ANKRD42: variants seen among roughly 807,000 people sequenced by gnomAD.
The protein encoded by ANKRD42 is ankyrin repeat domain-containing protein 42.
In ANKRD42, 43 loss-of-function variants were observed where a neutral mutation model predicts 51.5. The observed-to-expected ratio is 0.83, with a 90% CI of 0.65 to 1.08. ANKRD42 has a LOEUF of 1.08. ANKRD42 is among the 50% of genes least tolerant of loss of function. The pLI is 0.00. For missense variants in ANKRD42, 608 were observed against 629.3 expected (o/e 0.97, Z 0.36); for synonymous variants, 203 against 213.0 (o/e 0.95, Z 0.41).
rs1490504854 is a variant in ANKRD42 at position 83,213,370 on chromosome 11, C to T, written c.586+1940C>T. ...GCTGTCCATCGGAGTCACACCAACC[C>T]CAACGCCAGGCTGCGCAGTGAAGAA... On this transcript the variant is annotated intron_variant, in intron 5 of 10. Transcript: ENST00000533342. The T allele has an allele frequency of 1.9e-6, 3 of 1,577,162 alleles. No individual in the cohort carries two copies. In the East Asian group the frequency reaches 6.8e-5, roughly 36 times the overall value.
chr11:83,251,737 G>A (rs888318408), downstream of ANKRD42, among the ~76,000 whole-genome samples: 4 of 152,018 alleles, frequency 2.6e-5, no homozygotes, highest in African/African-American at 7.2e-5. Flanking sequence ...ATTAATTTTA[G>A]GGTTAATTTA....
Position 83,233,204 on chromosome 11 carries a change from G to A in ANKRD42, c.914-3200G>A, listed in dbSNP as rs573324933. ...GATAGAATTCAGCAATGAAGCCATC[G>A]GGTCTGGGGTTTTTTTTTTTTTTTT... On this transcript the variant is annotated intron_variant, in intron 7 of 10. Coordinates refer to ENST00000533342, the MANE Select transcript of ANKRD42 (RefSeq NM_001300975.2). Among the ~76,000 whole-genome samples the A allele has an allele frequency of 1.1e-4, 16 of 150,578 alleles. No individual in the cohort carries two copies. In the East Asian group the frequency reaches 2.5e-3, roughly 24 times the overall value.
chr11:83,257,162 ACT>A (rs1246269004), downstream of ANKRD42: 7 of 347,192 alleles, frequency 2.0e-5, no homozygotes, highest in Non-Finnish European at 3.4e-5. Context: ...AATCAAATGC[ACT>A]CTTGTCAGGG....
At chr11:83,231,335 A>C (rs959396433) in intron 7 of ANKRD42, among the ~76,000 whole-genome samples, 1 of 152,136 alleles carries the variant, frequency 6.6e-6, no homozygotes, top group African/African-American at 2.4e-5. Context: ...CTTTTCATAT[A>C]TCTGTTTGCC....
intron 2 of ANKRD42, among the ~76,000 whole-genome samples, chr11:83,204,314 T>G (rs1411882724): frequency 6.6e-6 from 1 of 152,224 alleles, no homozygotes; most frequent in African/African-American, 2.4e-5. Flanking sequence ...TAAATGATGT[T>G]GGCACAATTA....
intron 8 of ANKRD42, among the ~76,000 whole-genome samples, chr11:83,238,109 C>T (rs1863275939): frequency 1.3e-5 from 2 of 152,330 alleles, no homozygotes; most frequent in South Asian, 2.1e-4. Context: ...CAATTATCCA[C>T]TCACAGGTTG....
chr11:83,252,079 C>T (rs572979277), downstream of ANKRD42, among the ~76,000 whole-genome samples: 382 of 152,228 alleles, frequency 2.5e-3, no homozygotes, highest in Middle Eastern at 3.4e-3. Context: ...AAAAGACAGT[C>T]CAGTAAAAAA....
intron 3 of ANKRD42, among the ~76,000 whole-genome samples, chr11:83,207,468 A>C (rs932731646): frequency 6.6e-6 from 1 of 152,208 alleles, no homozygotes. Context: ...ATTTAGGAGG[A>C]GGTAGAGGGA....
chr11:83,264,269 T>C (rs1347581801), downstream of ANKRD42, among the ~76,000 whole-genome samples: 6 of 152,332 alleles, frequency 3.9e-5, no homozygotes, highest in Admixed American at 3.3e-4. Flanking sequence ...AAAAGATGTC[T>C]GTGTGGAAAG....
At chr11:83,237,919 C>G (rs1416410824) in intron 8 of ANKRD42, among the ~76,000 whole-genome samples, 1 of 152,212 alleles carries the variant, frequency 6.6e-6, no homozygotes, top group East Asian at 1.9e-4. Flanking sequence ...AAACGCTGAT[C>G]TGCTTCCTGT....
intron 9 of ANKRD42, among the ~76,000 whole-genome samples, chr11:83,242,901 A>G (rs1863437372): frequency 6.6e-6 from 1 of 151,996 alleles, no homozygotes; most frequent in South Asian, 2.1e-4. Flanking sequence ...GTTGATGGGC[A>G]TTTAGGTTGA....
At chr11:83,242,965 T>C (rs1443344150) in intron 9 of ANKRD42, among the ~76,000 whole-genome samples, 3 of 152,236 alleles carry the variant, frequency 2.0e-5, no homozygotes, top group Non-Finnish European at 4.4e-5. Flanking sequence ...TGCATGTGTC[T>C]TTATAGTTTG....
At chr11:83,198,974 A>T (rs1861766497) in intron 2 of ANKRD42, among the ~76,000 whole-genome samples, 1 of 152,164 alleles carries the variant, frequency 6.6e-6, no homozygotes, top group Non-Finnish European at 1.5e-5. Context: ...TATTCACTCA[A>T]GATGTCTCTG....
intron 9 of ANKRD42, among the ~76,000 whole-genome samples, chr11:83,244,018 G>T (rs1357131617): frequency 2.5e-5 from 2 of 80,504 alleles, no homozygotes; most frequent in Non-Finnish European, 4.5e-5. Context: ...GTCTCACTCT[G>T]TTGCCCAGGC....
Position 83,198,562 on chromosome 11 carries a change from C to A in ANKRD42, c.142C>A (p.Arg48Ser). Residue 48 changes from arginine (R) to serine (S), a missense_variant, in exon 2 of 11, where the codon CGT (arginine) becomes AGT (serine). By Grantham distance (110) the Arg-to-Ser change is moderately radical. Transcript: ENST00000533342. ...DVKQLSEIVV[R>S]GASINELDVL... ...AAAGCAGCTTTCAGAAATAGTGGTA[C>A]GTGGAGCCAGCATTAATGAACTTGA... 1.2e-6 allele frequency: 2 copies of A among 1,613,716 alleles called. No individual in the cohort carries two copies. Among genetic ancestry groups the A allele is most frequent in the Non-Finnish European group, 1.7e-6 (2 of 1,179,738 alleles).
rs1405699408 is a variant in ANKRD42, at chr11:83,194,029, AG to A, written c.-641del. The A allele has an allele frequency of 1.7e-4, 76 of 456,430 alleles. No individual in the cohort carries two copies. The Admixed American group carries it at 1.7e-3, about 10-fold the overall frequency. The allele number at this position is 456,430 out of a possible 1,614,324, so 28.3% of individuals were successfully genotyped here. On this transcript the variant is annotated 5_prime_UTR_variant, in exon 1 of 11. Transcript: ENST00000533342. ...CGCCGGCTTCTCCCGCAGTGACTTGAGAAGGGTCAGTGAAAACCTCGGCCAC... is the reference window on the plus strand; with the variant it reads ...CGCCGGCTTCTCCCGCAGTGACTTGAAAGGGTCAGTGAAAACCTCGGCCAC...
downstream of ANKRD42, chr11:83,259,962 T>C (rs990507294): frequency 6.6e-6 from 1 of 152,238 alleles, no homozygotes; most frequent in Non-Finnish European, 1.5e-5. Flanking sequence ...CCTGATCCCA[T>C]AGAAGCAGAA....
At chr11:83,234,564 T>C (rs1009681886) in intron 7 of ANKRD42, among the ~76,000 whole-genome samples, 1 of 152,200 alleles carries the variant, frequency 6.6e-6, no homozygotes, top group African/African-American at 2.4e-5. Context: ...TTGCATTTCA[T>C]TGTAGATACA....
At chr11:83,227,981 A>G in intron 7 of ANKRD42, 109 bp downstream of exon 7, 1 of 1,278,882 alleles carries the variant, frequency 7.8e-7, no homozygotes, top group South Asian at 1.6e-5. Context: ...TTTTTCTGAT[A>G]CCCTAGCAGA....
Sources: gnomAD v4.1 joint callset for allele counts (sites outside exome capture counted in the v4.1 genomes callset) on GRCh38, gnomAD v4.1.1 for gene constraint, MANE v1.5 for transcripts, NCBI Gene and HGNC (gene_info 2026-07-23, HGNC 2026-07-21) for gene names.